The following PCDH15 variants were observed in gnomAD, a reference collection of about 807,000 sequenced individuals.
PCDH15 encodes protocadherin related 15, also known as protocadherin-15.
PCDH15 carries 129 observed loss-of-function variants against 178.5 expected under a neutral mutation model. That is an observed-to-expected ratio of 0.72 (90% CI 0.63 to 0.84). PCDH15 has a LOEUF of 0.84. PCDH15 is among the 40% of genes least tolerant of loss of function. The probability of loss-of-function intolerance (pLI) is 0.00; values close to 1 mark genes in which losing one functional copy is unlikely to be tolerated. For missense variants in PCDH15, 2,230 were observed against 2,099.9 expected, an observed-to-expected ratio of 1.06 and a Z score of -1.21; for synonymous variants, 800 against 732.0, an observed-to-expected ratio of 1.09 and a Z score of -1.50.
chr10:54,371,065 A>G (rs1347427214), intron 4 of PCDH15, among the ~76,000 whole-genome samples: 1 of 151,890 alleles, frequency 6.6e-6, no homozygotes, highest in African/African-American at 2.4e-5. Context: ...TGTGTATAAA[A>G]TCTGTGAATG....
intron 2 of PCDH15, among the ~76,000 whole-genome samples, chr10:55,412,490 C>T (rs184148044): frequency 2.0e-5 from 3 of 151,524 alleles, no homozygotes; most frequent in African/African-American, 7.3e-5. Context: ...AAAAGAAGTA[C>T]CCTGAGAGAA....
At chr10:54,625,051 G>A (rs991187556) in intron 2 of PCDH15, among the ~76,000 whole-genome samples, 3 of 152,186 alleles carry the variant, frequency 2.0e-5, no homozygotes, top group African/African-American at 7.2e-5. Context: ...ATTGTCTTCA[G>A]TGAAACTGGT....
intron 2 of PCDH15, among the ~76,000 whole-genome samples, chr10:55,477,699 A>G (rs1840090582): frequency 6.6e-6 from 1 of 151,916 alleles, no homozygotes; most frequent in Non-Finnish European, 1.5e-5. Flanking sequence ...TGTAATAGCT[A>G]TGAGGGTAAG....
At chr10:54,544,166 T>C (rs745771383) in intron 2 of PCDH15, among the ~76,000 whole-genome samples, 20 of 152,156 alleles carry the variant, frequency 1.3e-4, no homozygotes, top group Non-Finnish European at 2.6e-4. Context: ...AAGAAAACTT[T>C]TGTTGGCAAG....
At chr10:54,118,487 C>T (rs1387553754) in intron 15 of PCDH15, among the ~76,000 whole-genome samples, 4 of 151,936 alleles carry the variant, frequency 2.6e-5, no homozygotes, top group African/African-American at 7.3e-5. Flanking sequence ...AGTGAAACCC[C>T]GTCTCTACTA....
At chr10:55,046,861 T>A (rs1841018797) in intron 2 of PCDH15, among the ~76,000 whole-genome samples, 1 of 152,000 alleles carries the variant, frequency 6.6e-6, no homozygotes, top group African/African-American at 2.4e-5. Flanking sequence ...TTTCCCAGAC[T>A]CTTATATGAC....
At chr10:54,089,523 C>T (rs149889720) in intron 16 of PCDH15, among the ~76,000 whole-genome samples, 117 of 152,294 alleles carry the variant, frequency 7.7e-4, no homozygotes, top group African/African-American at 2.6e-3. Context: ...CTGATCTAGA[C>T]CTCAAAGAAG....
In PCDH15 at chr10:55,196,214, C is replaced by A. The variant is rs954763292; in HGVS notation, c.-155-29563G>T. Among the ~76,000 whole-genome samples, 35 of 152,022 alleles carry A rather than the reference C, an allele frequency of 2.3e-4. 2 individuals are homozygous for A. Among genetic ancestry groups the A allele is most frequent in the African/African-American group, 8.5e-4 (35 of 41,354 alleles). On this transcript the variant is annotated intron_variant, in intron 1 of 5. Transcript: ENST00000458638. ...TACGACCTCCTACACAAGTTTATTC[C>A]ATTTTTTTCCATCATCCCAGTCATG...
At chr10:54,677,380 A>G (rs1264121931) in intron 1 of PCDH15, among the ~76,000 whole-genome samples, 6 of 152,138 alleles carry the variant, frequency 3.9e-5, no homozygotes, top group Non-Finnish European at 5.9e-5. Flanking sequence ...AAACAAAACA[A>G]ATAAACAAAA....
At chr10:54,862,533 AT>A (rs967565449) in intron 3 of PCDH15, among the ~76,000 whole-genome samples, 4 of 152,154 alleles carry the variant, frequency 2.6e-5, no homozygotes, top group African/African-American at 9.7e-5. Flanking sequence ...TCAGGTTAAA[AT>A]TTGATCCCCA....
At chr10:54,424,133 C>T (rs975875015) in intron 3 of PCDH15, among the ~76,000 whole-genome samples, 1 of 151,840 alleles carries the variant, frequency 6.6e-6, no homozygotes, top group African/African-American at 2.4e-5. Context: ...GGGCTAATAT[C>T]CAGAATCTAC....
At chr10:54,714,133 C>T (rs2095453164) in intron 1 of PCDH15, among the ~76,000 whole-genome samples, 1 of 152,116 alleles carries the variant, frequency 6.6e-6, no homozygotes, top group Non-Finnish European at 1.5e-5. Flanking sequence ...TTATACAGGA[C>T]TTAGAAAGAA....
chr10:54,239,414 AATAT>A (rs67769627), intron 8 of PCDH15, among the ~76,000 whole-genome samples: 26 of 138,188 alleles, frequency 1.9e-4, no homozygotes, highest in African/African-American at 7.0e-4. Context: ...CCTGTGATTA[AATAT>A]ATATATATAT....
intron 21 of PCDH15, among the ~76,000 whole-genome samples, chr10:53,965,856 T>G (rs1202199165): frequency 1.1e-5 from 1 of 92,038 alleles, no homozygotes; most frequent in African/African-American, 3.6e-5. Flanking sequence ...ATCTTCTTTT[T>G]AATAAAGCCA....
chr10:55,113,987 C>T (rs946770611), intron 2 of PCDH15, among the ~76,000 whole-genome samples: 19 of 152,120 alleles, frequency 1.2e-4, no homozygotes, highest in East Asian at 1.9e-4. Flanking sequence ...CTCTCTGTGT[C>T]GCCCAGGCTG....
At chr10:54,240,326 G>T (rs1408398324) in intron 8 of PCDH15, among the ~76,000 whole-genome samples, 1 of 146,254 alleles carries the variant, frequency 6.8e-6, no homozygotes, top group South Asian at 2.1e-4. Context: ...AAATGAAAAA[G>T]GAAAAAAAAA....
intron 3 of PCDH15, among the ~76,000 whole-genome samples, chr10:54,504,746 G>T (rs193292354): frequency 6.6e-6 from 1 of 151,988 alleles, no homozygotes; most frequent in African/African-American, 2.4e-5. Flanking sequence ...TGAACACAGG[G>T]TTCTCCTAAC....
intron 20 of PCDH15, among the ~76,000 whole-genome samples, chr10:54,005,981 G>A (rs1678760699): frequency 6.6e-6 from 1 of 152,062 alleles, no homozygotes; most frequent in Non-Finnish European, 1.5e-5. Context: ...TAACCATAAA[G>A]AAGAATGAGA....
chr10:55,610,795 C>G (rs772033110), intron 2 of PCDH15, among the ~76,000 whole-genome samples: 13 of 151,942 alleles, frequency 8.6e-5, no homozygotes, highest in Non-Finnish European at 1.8e-4. Flanking sequence ...TATGGGGTAA[C>G]AACAAACCCC....
Sources: gnomAD v4.1 joint callset for allele counts (sites outside exome capture counted in the v4.1 genomes callset) on GRCh38, gnomAD v4.1.1 for gene constraint, MANE v1.5 for transcripts, NCBI Gene and HGNC (gene_info 2026-07-23, HGNC 2026-07-21) for gene names.